Variants in KIR3DL3 observed in about 807,000 individuals in gnomAD.
KIR3DL3 encodes killer cell immunoglobulin-like receptor 3DL3.
Under a neutral mutation model 34.9 loss-of-function variants are expected in KIR3DL3, and 27 were observed. The observed-to-expected ratio is 0.77, with a 90% confidence interval of 0.57 to 1.07. The LOEUF (loss-of-function observed/expected upper bound fraction) is 1.07, where lower values mean the gene tolerates loss of function less well. Among genes scored for constraint, KIR3DL3 ranks in the 50% least tolerant of loss-of-function variants. KIR3DL3 has a pLI of 0.00. For synonymous variants in KIR3DL3, 217 were observed against 200.2 expected (o/e 1.08, Z -0.71); for missense variants, 681 against 528.5 (o/e 1.29, Z -2.83).
At chr19:54,735,457 GC>G in intron 6 of KIR3DL3, 100 bp downstream of exon 6, 1 of 610,480 alleles carries the variant, frequency 1.6e-6, no homozygotes. Context: ...ATGGTCCCTG[GC>G]CCAAGGCAGG....
At position 54,729,755 on chromosome 19, in the gene KIR3DL3, C is replaced by G. The variant is rs2068609838; in HGVS notation, c.918C>G (p.Asp306Glu). The change falls in exon 5 of 8, where the codon GAC becomes GAG. Residue 306 changes from aspartate to glutamate, a missense_variant. Physicochemically the swap from Asp to Glu is conservative, Grantham distance 45. Transcript: ENST00000291860. Reference protein sequence around the residue: ...SFRALPHAWSDPSDPLPVSVT... With the variant: ...SFRALPHAWSEPSDPLPVSVT... ...GTGCCCTGCCCCATGCGTGGTCAGA[C>G]CCGAGTGACCCACTGCCCGTTTCTG... 3 of 1,591,414 alleles carry G rather than the reference C, an allele frequency of 1.9e-6. No individual in the cohort carries two copies.
chr19:54,735,880 C>T lies in KIR3DL3; in HGVS notation c.1107+8C>T. The T allele has an allele frequency of 1.2e-6, 2 of 1,606,450 alleles. No homozygotes were observed. The highest frequency in any genetic ancestry group is 1.1e-5 in the South Asian group (1 of 90,462). Reference sequence around the variant, plus strand: ...AGAACAGTGAACAGGGAGGTAGGTGCTCCTCCGCCCAGCCTCGTGGCTAGT... The same window carrying T: ...AGAACAGTGAACAGGGAGGTAGGTGTTCCTCCGCCCAGCCTCGTGGCTAGT... On this transcript the variant is annotated splice_region_variant and intron_variant, in intron 7 of 7. Transcript: ENST00000291860.
chr19:54,735,553 C>G (rs374846912), intron 6 of KIR3DL3, among the ~76,000 whole-genome samples, 196 bp downstream of exon 6: 1 of 128,300 alleles, frequency 7.8e-6, no homozygotes, highest in Non-Finnish European at 1.7e-5. Flanking sequence ...GATTCTGAAC[C>G]GTATCCTCAC....
chr19:54,730,930 C>T (rs1256572420), intron 5 of KIR3DL3, among the ~76,000 whole-genome samples: 2 of 152,186 alleles, frequency 1.3e-5, no homozygotes, highest in East Asian at 3.9e-4. Flanking sequence ...GATGTCCTTT[C>T]CTTTGGGTTT....
In KIR3DL3 at chr19:54,735,345, G is replaced by T. The variant is rs16985907; in HGVS notation, c.1042G>T (p.Ala348Ser). Residue 348 changes from alanine to serine, a missense_variant, in exon 6 of 8, where the codon GCC becomes TCC. Ala to Ser is a moderately conservative substitution (Grantham distance 99). Transcript: ENST00000291860. Reference sequence around the variant, plus strand: ...CTTCTTTCTCCTTCATCGCTGGTGTGCCAACAAAAAGAGTAAGTCTCACGA... The same window carrying T: ...CTTCTTTCTCCTTCATCGCTGGTGTTCCAACAAAAAGAGTAAGTCTCACGA... ...LLFFLLHRWCANKKNAVVMDQ... is the reference protein window; with the variant it reads ...LLFFLLHRWCSNKKNAVVMDQ... 249 of 1,355,880 alleles carry T rather than the reference G, an allele frequency of 1.8e-4. No homozygotes were observed. Among genetic ancestry groups the T allele is most frequent in the Non-Finnish European group, 2.3e-4 (223 of 950,668 alleles). The allele number at this position is 1,355,880 out of a possible 1,614,324, so 84.0% of individuals were successfully genotyped here. A position where few individuals can be genotyped will look rare whatever the true frequency, so the allele number is the denominator to read the frequency against.
chr19:54,726,132 CTCTCG>C lies in KIR3DL3; in HGVS notation c.154_158del (p.Arg52TrpfsTer3). The C allele has an allele frequency of 6.2e-7, 1 of 1,613,356 alleles. No homozygotes were observed. Among genetic ancestry groups the C allele is most frequent in the South Asian group, 1.1e-5 (1 of 91,034 alleles). On this transcript the variant is annotated frameshift_variant, in exon 3 of 8. Transcript: ENST00000291860. LOFTEE classifies it high-confidence loss of function. ...GACAACATGTGACTCTTCAGTGTCG[CTCTCG>C]TCTTGGGTTTAATGAATTCAGTCTG... is the stretch of plus-strand genomic sequence containing the variant.
rs1311784235 is a variant in KIR3DL3 at position 54,726,966 on chromosome 19, G to A, written c.355+629G>A. Among the ~76,000 whole-genome samples the A allele has an allele frequency of 2.4e-5, 3 of 124,020 alleles. 1 individual carries two copies. The highest frequency in any genetic ancestry group is 9.5e-5 in the Admixed American group (1 of 10,548). The allele number at this position is 124,020 out of a possible 152,430, so 81.4% of individuals were successfully genotyped here. On this transcript the variant is annotated intron_variant, in intron 3 of 7. Transcript: ENST00000291860. Reference sequence around the variant, plus strand: ...TGACAATTTTCTCCAGCAGCAACAGGAAACCAACACAGGAACCCAGGTGAA... The same window carrying A: ...TGACAATTTTCTCCAGCAGCAACAGAAAACCAACACAGGAACCCAGGTGAA...
rs1160939644 is a variant in KIR3DL3 at position 54,734,392 on chromosome 19, T to G, written c.950-861T>G. On this transcript the variant is annotated intron_variant, in intron 5 of 7. Transcript: ENST00000291860. ...TAAGCAGCGAGTGACAACAGAAACC[T>G]ACATTTCAATGTGAGCCAGTCCCTC... is the stretch of plus-strand genomic sequence containing the variant. 2.0e-5 allele frequency among the ~76,000 whole-genome samples: 3 copies of G among 150,574 alleles called. No individual in the cohort carries two copies. The Admixed American group carries it at 2.0e-4, about 10-fold the overall frequency.
chr19:54,729,732 G>A lies in KIR3DL3; in HGVS notation c.895G>A (p.Ala299Thr). Residue 299 changes from alanine to threonine, a missense_variant, in exon 5 of 8, where the codon GCC becomes ACC. By Grantham distance (58) the Ala-to-Thr change is moderately conservative. Transcript: ENST00000291860. ...GNYRCFGSFR[A>T]LPHAWSDPSD... ...CTACAGATGCTTCGGCTCTTTCCGT[G>A]CCCTGCCCCATGCGTGGTCAGACCC... 1.3e-6 allele frequency: 2 copies of A among 1,590,922 alleles called. No homozygotes were observed. The highest frequency in any genetic ancestry group is 3.5e-5 in the Admixed American group (2 of 56,596).
chr19:54,727,757 G>T lies in KIR3DL3; in HGVS notation c.502G>T (p.Val168Phe). 3 of 1,608,400 alleles carry T rather than the reference G, an allele frequency of 1.9e-6. No individual in the cohort carries two copies. The South Asian group carries it at 3.3e-5, about 18-fold the overall frequency. Reference protein sequence around the residue: ...EGITEDPLRLVGQLHDAGSQV... With the variant: ...EGITEDPLRLFGQLHDAGSQV... ...GATCACTGAGGACCCCTTGCGCCTC[G>T]TTGGACAGCTCCACGATGCGGGTTC... The change falls in exon 4 of 8, where the codon GTT (valine) becomes TTT (phenylalanine). Residue 168 changes from valine (V) to phenylalanine (F), a missense_variant. Transcript: ENST00000291860.
At chr19:54,734,150 T>G (rs1171114667) in intron 5 of KIR3DL3, among the ~76,000 whole-genome samples, 1 of 132,108 alleles carries the variant, frequency 7.6e-6, no homozygotes, top group Non-Finnish European at 1.6e-5. Flanking sequence ...CTTTCTTTTC[T>G]TGGAGAATGT....
At position 54,729,782 on chromosome 19, in the gene KIR3DL3, C is replaced by T; in HGVS notation, c.945C>T (p.Val315=). The T allele has an allele frequency of 7.5e-6, 12 of 1,596,484 alleles. No homozygotes were observed. In the South Asian group the frequency reaches 1.3e-4, roughly 18 times the overall value. The stretch of plus-strand genomic sequence containing the variant: ...CGAGTGACCCACTGCCCGTTTCTGT[C>T]ACAGGTGAGAAAACACCATGCCTGT... The part of the protein sequence containing the change: ...SDPSDPLPVS[V]TGNSRNLHVL... Residue 315 remains valine, a synonymous_variant, in exon 5 of 8, where the codon GTC becomes GTT. Coordinates refer to ENST00000291860, the MANE Select transcript of KIR3DL3 (RefSeq NM_153443.5).
At position 54,728,681 on chromosome 19, in the gene KIR3DL3, T is replaced by C. The variant is rs1402324005; in HGVS notation, c.655+771T>C. Among the ~76,000 whole-genome samples, 8 of 151,416 alleles carry C rather than the reference T, an allele frequency of 5.3e-5. No homozygotes were observed. The South Asian group carries it at 1.3e-3, about 24-fold the overall frequency. The stretch of plus-strand genomic sequence containing the variant: ...GAGGGCAGAGAAGTGGAGCGTATGA[T>C]GGAAGGAAGCAGAGAAAAGCCCTAA... On this transcript the variant is annotated intron_variant, in intron 4 of 7. Transcript: ENST00000291860.
chr19:54,734,250 T>C (rs647211), intron 5 of KIR3DL3, among the ~76,000 whole-genome samples: 45,143 of 149,366 alleles, frequency 0.3, 7,090 homozygotes, highest in South Asian at 0.4. Context: ...CCAGAGAAGA[T>C]TCTAAACACC....
chr19:54,725,948 T>A, intron 2 of KIR3DL3, 105 bp from the exon 3 acceptor site: 2 of 1,104,904 alleles, frequency 1.8e-6, no homozygotes, highest in South Asian at 2.9e-5. Context: ...CACCCAGGTG[T>A]GGTAGGAGCC....
chr19:54,726,260 A>G lies in KIR3DL3; in HGVS notation c.278A>G (p.Tyr93Cys). ...GTGACCCCAGCACATGCAGGGACCT[A>G]CAGATGTTGCAGTTCACACCCACAC... is the stretch of plus-strand genomic sequence containing the variant. Reference protein sequence around the residue: ...GPVTPAHAGTYRCCSSHPHSP... With the variant: ...GPVTPAHAGTCRCCSSHPHSP... The change falls in exon 3 of 8, where the codon TAC becomes TGC. Residue 93 changes from tyrosine to cysteine, a missense_variant. Tyr to Cys is a radical substitution (Grantham distance 194). Transcript: ENST00000291860. 2 of 1,613,916 alleles carry G rather than the reference A, an allele frequency of 1.2e-6. No homozygotes were observed. Among genetic ancestry groups the G allele is most frequent in the Non-Finnish European group, 1.7e-6 (2 of 1,179,962 alleles).
At chr19:54,731,934 C>T (rs181552391) in intron 5 of KIR3DL3, among the ~76,000 whole-genome samples, 21 of 152,116 alleles carry the variant, frequency 1.4e-4, no homozygotes, top group Non-Finnish European at 2.4e-4. Flanking sequence ...TAAAATCATC[C>T]AGCGTACCCT....
rs1600166927 is a variant in KIR3DL3, at chr19:54,726,268, T to C, written c.286T>C (p.Cys96Arg). The C allele has an allele frequency of 2.5e-6, 4 of 1,613,900 alleles. No individual in the cohort carries two copies. The highest frequency in any genetic ancestry group is 2.5e-6 in the Non-Finnish European group (3 of 1,179,952). The part of the protein sequence containing the change: ...TPAHAGTYRC[C>R]SSHPHSPTGW... The stretch of plus-strand genomic sequence containing the variant: ...AGCACATGCAGGGACCTACAGATGT[T>C]GCAGTTCACACCCACACTCCCCCAC... The change falls in exon 3 of 8, where the codon TGC (cysteine) becomes CGC (arginine). Residue 96 changes from cysteine to arginine, a missense_variant. By Grantham distance (180) the Cys-to-Arg change is radical. Transcript: ENST00000291860.
At chr19:54,734,905 G>A (rs1425465875) in intron 5 of KIR3DL3, among the ~76,000 whole-genome samples, 11 of 140,824 alleles carry the variant, frequency 7.8e-5, no homozygotes, top group Non-Finnish European at 7.7e-5. Context: ...GGAACTAATA[G>A]AGGGGGAACT....
Sources: allele counts gnomAD v4.1 joint callset (sites outside exome capture counted in the v4.1 genomes callset), GRCh38; gene constraint gnomAD v4.1.1; transcripts MANE v1.5; gene names NCBI Gene and HGNC (gene_info 2026-07-23, HGNC 2026-07-21).